CHRNA6: variants seen among roughly 807,000 people sequenced by gnomAD.
The protein encoded by CHRNA6 is neuronal acetylcholine receptor subunit alpha-6.
CHRNA6 carries 31 observed loss-of-function variants against 40.9 expected under a neutral mutation model. The observed-to-expected ratio is 0.76, with a 90% confidence interval of 0.57 to 1.02. The LOEUF (loss-of-function observed/expected upper bound fraction) is 1.02, where lower values mean the gene tolerates loss of function less well. Ranked by LOEUF, CHRNA6 falls within the 50% of genes least tolerant of loss-of-function variation. The pLI is 0.00. For missense variants in CHRNA6, 546 were observed against 596.6 expected (o/e 0.92, Z 0.88); for synonymous variants, 222 against 221.3 (o/e 1.00, Z -0.03).
In CHRNA6 at chr8:42,768,397, C is replaced by T. The variant is rs751417062; in HGVS notation, c.34G>A (p.Gly12Arg). The T allele has an allele frequency of 1.9e-6, 3 of 1,614,086 alleles. No homozygotes were observed. The change falls in exon 1 of 6, where the codon GGG becomes AGG. Residue 12 changes from glycine to arginine, a missense_variant. Physicochemically the swap from Gly to Arg is moderately radical, Grantham distance 125 (BLOSUM62 -2). Around this residue, in one of 3 missense-constraint regions of CHRNA6, gnomAD observed 476 missense variants for 494.5 expected, o/e 0.96. Coordinates refer to ENST00000276410, the MANE Select transcript of CHRNA6 (RefSeq NM_004198.3). ...ACACACAGCCAGAGACACAAGCCCC[C>T]ATGAAGGAATCCCTGCCCCTTGCTG... Reference protein sequence around the residue: ...LTSKGQGFLHGGLCLWLCVFT... With the variant: ...LTSKGQGFLHRGLCLWLCVFT...
chr8:42,763,911 C>G (rs1816938210), intron 2 of CHRNA6, among the ~76,000 whole-genome samples: 1 of 152,034 alleles, frequency 6.6e-6, no homozygotes, highest in African/African-American at 2.4e-5. Context: ...CTCAGGTGTA[C>G]CCAGAAGGGC....
chr8:42,765,403 A>G (rs926091121), intron 1 of CHRNA6, among the ~76,000 whole-genome samples, 199 bp from the exon 2 acceptor site: 5 of 152,198 alleles, frequency 3.3e-5, no homozygotes, highest in Non-Finnish European at 7.3e-5. Flanking sequence ...CACCTTTACA[A>G]TGGAGATAAA....
chr8:42,762,717 T>C (rs1278909194), intron 2 of CHRNA6, among the ~76,000 whole-genome samples: 3 of 152,046 alleles, frequency 2.0e-5, no homozygotes, highest in Non-Finnish European at 4.4e-5. Flanking sequence ...CAAGAAGGAA[T>C]GAACTACTGA....
chr8:42,757,905 G>A (rs1816833430), intron 3 of CHRNA6, among the ~76,000 whole-genome samples: 1 of 151,346 alleles, frequency 6.6e-6, no homozygotes, highest in Admixed American at 6.6e-5. Flanking sequence ...CGTGGTGGCG[G>A]GCCCCTGTAG....
chr8:42,755,147 T>A (rs1055031289), intron 5 of CHRNA6, among the ~76,000 whole-genome samples: 1 of 149,600 alleles, frequency 6.7e-6, no homozygotes, highest in African/African-American at 2.5e-5. Flanking sequence ...GCCCCTTGAG[T>A]GGCTGGGACT....
At chr8:42,766,807 G>C (rs557332145) in intron 1 of CHRNA6, among the ~76,000 whole-genome samples, 3 of 152,258 alleles carry the variant, frequency 2.0e-5, no homozygotes, top group Admixed American at 6.5e-5. Context: ...CTAGGTGATG[G>C]GTTGATCTGT....
chr8:42,758,754 C>T (rs950534938), intron 3 of CHRNA6, among the ~76,000 whole-genome samples: 5 of 152,116 alleles, frequency 3.3e-5, no homozygotes, highest in Non-Finnish European at 7.4e-5. Flanking sequence ...CTGACTTCTC[C>T]AAGCCTGGTC....
Position 42,755,079 on chromosome 8 carries a change from C to T in CHRNA6, c.1353+767G>A, listed in dbSNP as rs773059804. Among the ~76,000 whole-genome samples the T allele has an allele frequency of 7.6e-5, 11 of 144,054 alleles. No homozygotes were observed. In the South Asian group the frequency reaches 2.0e-3, roughly 26 times the overall value. 94.5% of individuals were successfully genotyped at this position (144,054 alleles called of 152,430 possible). A position where few individuals can be genotyped will look rare whatever the true frequency, so the allele number is the denominator to read the frequency against. On this transcript the variant is annotated intron_variant, in intron 5 of 5. Coordinates refer to ENST00000276410, the MANE Select transcript of CHRNA6 (RefSeq NM_004198.3). ...TTCCTGAGACAGGGCCCTGATCTGT[C>T]GTCTATCTCCCAGGCTGTAGCCTCA... is the stretch of plus-strand genomic sequence containing the variant.
chr8:42,764,844 C>G, intron 2 of CHRNA6: 1 of 541,850 alleles, frequency 1.8e-6, no homozygotes, highest in Non-Finnish European at 3.3e-6. Flanking sequence ...CCCTGCAACT[C>G]TTTGTTTCGT....
chr8:42,761,685 C>T (rs931036290), intron 2 of CHRNA6, among the ~76,000 whole-genome samples: 3 of 152,230 alleles, frequency 2.0e-5, no homozygotes, highest in Non-Finnish European at 4.4e-5. Flanking sequence ...CCATCCAATT[C>T]CAGATCCCAC....
At position 42,755,041 on chromosome 8, in the gene CHRNA6, CT is replaced by C. The variant is rs561445145; in HGVS notation, c.1353+804del. Among the ~76,000 whole-genome samples, 163 of 138,752 alleles carry C rather than the reference CT, an allele frequency of 1.2e-3. 1 individual carries two copies. Among genetic ancestry groups the C allele is most frequent in the Middle Eastern group, 7.4e-3 (2 of 270 alleles). The allele number at this position is 138,752 out of a possible 152,430, so 91.0% of individuals were successfully genotyped here. A position where few individuals can be genotyped will look rare whatever the true frequency, so the allele number is the denominator to read the frequency against. The stretch of plus-strand genomic sequence containing the variant: ...TTTGCTGCTGTTTCTTGTGCAGGGG[CT>C]TTTTTTTTTTTTTCCTGAGACAGGG... On this transcript the variant is annotated intron_variant, in intron 5 of 5. Transcript: ENST00000276410.
At chr8:42,754,472 C>T (rs1471514457) in intron 5 of CHRNA6, among the ~76,000 whole-genome samples, 1 of 152,136 alleles carries the variant, frequency 6.6e-6, no homozygotes, top group Non-Finnish European at 1.5e-5. Context: ...CCATGCCCTA[C>T]TAATTTTTGT....
chr8:42,763,227 C>G (rs1816929635), intron 2 of CHRNA6, among the ~76,000 whole-genome samples: 1 of 152,186 alleles, frequency 6.6e-6, no homozygotes, highest in South Asian at 2.1e-4. Context: ...GCTGCCTCAT[C>G]TGGTTTATGC....
intron 1 of CHRNA6, among the ~76,000 whole-genome samples, chr8:42,765,845 C>T (rs376450773): frequency 9.2e-5 from 14 of 152,188 alleles, no homozygotes; most frequent in African/African-American, 3.1e-4. Flanking sequence ...ATTAGAGAAA[C>T]GCAAATCAAA....
rs774385978 is a variant in CHRNA6, at chr8:42,753,246, A to G, written c.1418T>C (p.Ile473Thr). 5 of 1,612,260 alleles carry G rather than the reference A, an allele frequency of 3.1e-6. No individual in the cohort carries two copies. Among genetic ancestry groups the G allele is most frequent in the African/African-American group, 2.7e-5 (2 of 74,870 alleles). ...CCCTGCAGTTCCAAATACACAGACA[A>G]TTATAAATACCCAAAGAAATACTCT... ...VDRVFLWVFI[I>T]VCVFGTAGLF... is the part of the protein sequence containing the mutation. Residue 473 changes from isoleucine (I) to threonine (T), a missense_variant, in exon 6 of 6, where the codon ATT (isoleucine) becomes ACT (threonine). Ile to Thr is a moderately conservative substitution (Grantham distance 89). Around this residue, in one of 3 missense-constraint regions of CHRNA6, gnomAD observed 65 missense variants for 83.8 expected, o/e 0.78. Transcript: ENST00000276410.
chr8:42,765,288 T>G, intron 1 of CHRNA6, 84 bp from the exon 2 acceptor site: 13 of 1,453,336 alleles, frequency 8.9e-6, no homozygotes, highest in Non-Finnish European at 1.2e-5. Flanking sequence ...TCCCGGGCCC[T>G]GTGGGGAGCG....
At chr8:42,760,490 G>A (rs1383353597) in intron 2 of CHRNA6, among the ~76,000 whole-genome samples, 2 of 151,324 alleles carry the variant, frequency 1.3e-5, no homozygotes, top group Non-Finnish European at 2.9e-5. Context: ...ACTCACTCAT[G>A]CACATGCACT....
chr8:42,757,771 C>A (rs1476239733), intron 3 of CHRNA6, among the ~76,000 whole-genome samples: 1 of 149,092 alleles, frequency 6.7e-6, no homozygotes, highest in African/African-American at 2.5e-5. Flanking sequence ...CGATGGCTCA[C>A]GCCTGTAATC....
At chr8:42,768,093 C>A (rs918099786) in intron 1 of CHRNA6, among the ~76,000 whole-genome samples, 6 of 152,130 alleles carry the variant, frequency 3.9e-5, no homozygotes, top group African/African-American at 1.2e-4. Context: ...AAAACTGTAT[C>A]ATTCTCCTTA....
Sources: gnomAD v4.1 joint callset for allele counts (sites outside exome capture counted in the v4.1 genomes callset) on GRCh38, gnomAD v4.1.1 for gene constraint, gnomAD v4.1.1 regional missense constraint, MANE v1.5 for transcripts, NCBI Gene and HGNC (gene_info 2026-07-23, HGNC 2026-07-21) for gene names.